Variants in ZNF672 observed in about 807,000 individuals in gnomAD.
ZNF672 encodes hypothetical protein FLJ22301.
For missense variants in ZNF672, 733 were observed against 701.1 expected, an observed-to-expected ratio of 1.05 and a Z score of -0.51; for synonymous variants, 358 against 305.6, an observed-to-expected ratio of 1.17 and a Z score of -1.79.
intron 1 of ZNF672, among the ~76,000 whole-genome samples, chr1:248,843,366 TCA>T (rs571411313): frequency 2.4e-4 from 36 of 152,296 alleles, no homozygotes; most frequent in African/African-American, 8.7e-4. Flanking sequence ...TTTGTGTAAG[TCA>T]CAACCCCAAG....
In ZNF672 at chr1:248,844,621, G is replaced by A. The variant is rs572168090; in HGVS notation, c.-336G>A. On this transcript the variant is annotated 5_prime_UTR_variant, in exon 2 of 4. Transcript: ENST00000306562. The stretch of plus-strand genomic sequence containing the variant: ...CTAGCGAGTGTCCTACTCCGCATCC[G>A]TAATGGAAGGAAATGGTATTGTTGT... 1 of 152,224 alleles carries A rather than the reference G, an allele frequency of 6.6e-6. No homozygotes were observed. Among genetic ancestry groups the A allele is most frequent in the African/African-American group, 2.4e-5 (1 of 41,456 alleles). The allele number at this position is 152,224 out of a possible 1,614,324, so 9.4% of individuals were successfully genotyped here. A position where few individuals can be genotyped will look rare whatever the true frequency, so the allele number is the denominator to read the frequency against.
At position 248,848,088 on chromosome 1, in the gene ZNF672, C is replaced by T. The variant is rs760960100; in HGVS notation, c.814C>T (p.Arg272Cys). Residue 272 changes from arginine (R) to cysteine (C), a missense_variant, in exon 4 of 4, where the codon CGC (arginine) becomes TGC (cysteine). Coordinates refer to ENST00000306562, the MANE Select transcript of ZNF672 (RefSeq NM_024836.3). ...CTTCAGCGAGAGTTCCACGCTGCTG[C>T]GCCATCGGCGCAGCCATCAGGGCGA... ...RCFSESSTLL[R>C]HRRSHQGERP... The T allele has an allele frequency of 1.1e-5, 17 of 1,547,998 alleles. No homozygotes were observed. In the Admixed American group the frequency reaches 2.2e-4, roughly 20 times the overall value.
chr1:248,845,949 T>C (rs1233605793), intron 3 of ZNF672, among the ~76,000 whole-genome samples: 1 of 152,190 alleles, frequency 6.6e-6, no homozygotes, highest in African/African-American at 2.4e-5. Context: ...CATTGTGCTC[T>C]TGACTAGAGG....
At chr1:248,842,563 TAG>T (rs1032485521) in intron 1 of ZNF672, among the ~76,000 whole-genome samples, 16 of 151,290 alleles carry the variant, frequency 1.1e-4, no homozygotes, top group Admixed American at 8.6e-4. Context: ...TGAGAAAGGG[TAG>T]AGAGTCTTGA....
intron 1 of ZNF672, among the ~76,000 whole-genome samples, 168 bp from the exon 2 acceptor site, chr1:248,844,315 C>A (rs903790842): frequency 2.6e-5 from 4 of 152,140 alleles, no homozygotes; most frequent in East Asian, 1.9e-4. Context: ...CCAATTCACA[C>A]GTAATTTCCC....
rs998863036 is a variant in ZNF672 at position 248,848,314 on chromosome 1, G to A, written c.1040G>A (p.Arg347Gln). Residue 347 changes from arginine to glutamine, a missense_variant, in exon 4 of 4, where the codon CGG (arginine) becomes CAG (glutamine). Arg to Gln is a conservative substitution (Grantham distance 43). Transcript: ENST00000306562. Reference sequence around the variant, plus strand: ...TACCGCTGCGAACTGTGCGGCAAGCGGTTCACGTGCGTGTCCAATCTCAAC... The same window carrying A: ...TACCGCTGCGAACTGTGCGGCAAGCAGTTCACGTGCGTGTCCAATCTCAAC... ...KPYRCELCGKRFTCVSNLNVH... is the reference protein window; with the variant it reads ...KPYRCELCGKQFTCVSNLNVH... The A allele has an allele frequency of 1.9e-6, 3 of 1,602,162 alleles. No homozygotes were observed. Among genetic ancestry groups the A allele is most frequent in the Non-Finnish European group, 1.7e-6 (2 of 1,179,710 alleles).
Sources: gnomAD v4.1 joint callset for allele counts (sites outside exome capture counted in the v4.1 genomes callset) on GRCh38, gnomAD v4.1.1 for gene constraint, MANE v1.5 for transcripts, NCBI Gene and HGNC (gene_info 2026-07-23, HGNC 2026-07-21) for gene names.